The following OPCML variants were observed in gnomAD, a reference collection of about 807,000 sequenced individuals.
OPCML encodes the protein opioid-binding protein/cell adhesion molecule.
OPCML carries 13 observed loss-of-function variants against 37.8 expected under a neutral mutation model. That is an observed-to-expected ratio of 0.34 (90% confidence interval 0.22 to 0.55). OPCML has a LOEUF of 0.55. OPCML is among the 20% of genes least tolerant of loss of function. OPCML has a pLI of 0.91. For synonymous variants in OPCML, 176 were observed against 168.8 expected (o/e 1.04, Z -0.33); for missense variants, 341 against 435.6 (o/e 0.78, Z 1.93).
chr11:132,701,762 TTGTGTGTGTG>T (rs34453558), intron 2 of OPCML, among the ~76,000 whole-genome samples: 5 of 142,718 alleles, frequency 3.5e-5, no homozygotes, highest in Non-Finnish European at 4.6e-5. Context: ...AATTTGATGA[TTGTGTGTGTG>T]TGTGTGTGTG....
chr11:133,221,897 A>AG (rs1305523983), intron 1 of OPCML, among the ~76,000 whole-genome samples: 4 of 152,224 alleles, frequency 2.6e-5, no homozygotes, highest in Non-Finnish European at 5.9e-5. Flanking sequence ...ACCAAGGATC[A>AG]GGAAAAATAA....
intron 1 of OPCML, among the ~76,000 whole-genome samples, chr11:133,266,233 C>G (rs527307341): frequency 6.6e-6 from 1 of 152,218 alleles, no homozygotes; most frequent in East Asian, 1.9e-4. Flanking sequence ...CTCCTTCAAC[C>G]CCACCCTAGC....
intron 1 of OPCML, among the ~76,000 whole-genome samples, chr11:133,516,720 G>A (rs1347155419): frequency 2.6e-5 from 4 of 152,152 alleles, no homozygotes; most frequent in South Asian, 2.1e-4. Flanking sequence ...GGGAGAAGGC[G>A]GAGAACCCTG....
At chr11:132,997,854 G>T (rs1946916021) in intron 1 of OPCML, among the ~76,000 whole-genome samples, 1 of 152,052 alleles carries the variant, frequency 6.6e-6, no homozygotes. Context: ...CTTTTTCCGG[G>T]GTTCTCCTGG....
intron 4 of OPCML, among the ~76,000 whole-genome samples, chr11:132,458,350 T>G (rs1222676542): frequency 6.6e-6 from 1 of 152,190 alleles, no homozygotes; most frequent in African/African-American, 2.4e-5. Flanking sequence ...AACACACCCC[T>G]GACTAGGAGC....
rs141167911 is a variant in OPCML, at chr11:133,159,114, G to A, written c.62-216104C>T. On this transcript the variant is annotated intron_variant, in intron 1 of 7. Transcript: ENST00000524381. Reference sequence around the variant, plus strand: ...CCCAAGCTAATGGAAAGTGAAATAAGGTGGTTTGCTGATCCTGAGTGAGAC... The same window carrying A: ...CCCAAGCTAATGGAAAGTGAAATAAAGTGGTTTGCTGATCCTGAGTGAGAC... 3.9e-3 allele frequency among the ~76,000 whole-genome samples: 595 copies of A among 152,330 alleles called. 3 individuals carry two copies. The highest frequency in any genetic ancestry group is 0.014 in the African/African-American group (566 of 41,562).
chr11:133,499,872 A>G (rs1224940754), intron 1 of OPCML, among the ~76,000 whole-genome samples: 23 of 115,724 alleles, frequency 2.0e-4, no homozygotes, highest in South Asian at 7.6e-4. Context: ...ATATATATAT[A>G]TATTTTTTTT....
At chr11:133,307,501 T>C (rs1565562434) in intron 1 of OPCML, among the ~76,000 whole-genome samples, 1 of 152,292 alleles carries the variant, frequency 6.6e-6, no homozygotes, top group Middle Eastern at 3.4e-3. Context: ...CAAAATTTGT[T>C]TTTCTGCACT....
At chr11:132,985,719 G>C (rs1946672068) in intron 1 of OPCML, among the ~76,000 whole-genome samples, 1 of 152,168 alleles carries the variant, frequency 6.6e-6, no homozygotes, top group Non-Finnish European at 1.5e-5. Context: ...CTCAAAAGGA[G>C]AGGATTATAC....
chr11:133,002,904 C>T (rs1008512636), intron 1 of OPCML, among the ~76,000 whole-genome samples: 2 of 152,058 alleles, frequency 1.3e-5, no homozygotes, highest in Admixed American at 6.5e-5. Flanking sequence ...ACCACTTGAC[C>T]TCATTTGAAC....
intron 1 of OPCML, among the ~76,000 whole-genome samples, chr11:133,074,495 G>T (rs529781809): frequency 8.7e-4 from 132 of 152,178 alleles, no homozygotes; most frequent in Admixed American, 2.7e-3. Context: ...AGAGGGAGAA[G>T]AAAGTATAAA....
At chr11:133,497,115 T>C (rs1409928576) in intron 1 of OPCML, among the ~76,000 whole-genome samples, 2 of 152,198 alleles carry the variant, frequency 1.3e-5, no homozygotes, top group South Asian at 4.1e-4. Flanking sequence ...CATAAAGGGA[T>C]GCTGGATTTT....
At chr11:132,775,974 C>G (rs886464473) in intron 2 of OPCML, among the ~76,000 whole-genome samples, 23 of 152,204 alleles carry the variant, frequency 1.5e-4, no homozygotes, top group African/African-American at 5.1e-4. Context: ...TTCTGTCACC[C>G]AGGCTGGAGT....
chr11:133,473,418 A>C (rs1298632035), intron 1 of OPCML, among the ~76,000 whole-genome samples: 2 of 152,204 alleles, frequency 1.3e-5, no homozygotes, highest in African/African-American at 4.8e-5. Context: ...AGGTTTGCTG[A>C]CTTTAAAGTT....
chr11:133,072,010 C>T (rs1014104961), intron 1 of OPCML, among the ~76,000 whole-genome samples: 40 of 152,164 alleles, frequency 2.6e-4, no homozygotes, highest in Admixed American at 9.8e-4. Flanking sequence ...CCCCGTACCA[C>T]CAATTGCTCC....
At chr11:132,889,025 T>TA (rs1251612145) in intron 2 of OPCML, among the ~76,000 whole-genome samples, 2 of 152,170 alleles carry the variant, frequency 1.3e-5, no homozygotes, top group Non-Finnish European at 2.9e-5. Context: ...TGGCAGATGA[T>TA]TTTTCAGGAC....
rs572345849 is a variant in OPCML at position 133,032,505 on chromosome 11, G to C, written c.62-89495C>G. On this transcript the variant is annotated intron_variant, in intron 1 of 7. Transcript: ENST00000524381. The stretch of plus-strand genomic sequence containing the variant: ...TATTGGTTTTGGTTGTAAAAGTTTG[G>C]GAACATCATTTGGACATTGATGCCT... Among the ~76,000 whole-genome samples the C allele has an allele frequency of 5.3e-5, 8 of 152,254 alleles. No homozygotes were observed. The South Asian group carries it at 1.7e-3, about 32-fold the overall frequency.
chr11:133,207,148 A>G lies in OPCML; in HGVS notation c.62-264138T>C, dbSNP rs1939106159. On this transcript the variant is annotated intron_variant, in intron 1 of 7. Transcript: ENST00000524381. ...AAAAAAAAAAAAAAAAAAATACAAA[A>G]AATTAACCAGGTGTGGTGGCGGGCA... 2.0e-5 allele frequency among the ~76,000 whole-genome samples: 3 copies of G among 151,488 alleles called. No homozygotes were observed. In the South Asian group the frequency reaches 6.3e-4, roughly 32 times the overall value.
chr11:133,173,739 A>G lies in OPCML; in HGVS notation c.62-230729T>C, dbSNP rs1297533284. Among the ~76,000 whole-genome samples the G allele has an allele frequency of 6.6e-6, 1 of 152,256 alleles. No individual in the cohort carries two copies. Among genetic ancestry groups the G allele is most frequent in the Non-Finnish European group, 1.5e-5 (1 of 68,050 alleles). On this transcript the variant is annotated intron_variant, in intron 1 of 7. Coordinates refer to ENST00000524381, the MANE Select transcript of OPCML (RefSeq NM_001012393.5). This position sits in a 1 kb window ranked among gnomAD's most constrained non-coding sequence, Gnocchi z 7.8. ...TCCTGTGGCAGTTTAAGAATCTCTA[A>G]GAATGCATAAGTAAAGAAAAAATAG...
Sources: allele counts gnomAD v4.1 joint callset (sites outside exome capture counted in the v4.1 genomes callset), GRCh38; gene constraint gnomAD v4.1.1; non-coding constraint Gnocchi (gnomAD v3.1); transcripts MANE v1.5; gene names NCBI Gene and HGNC (gene_info 2026-07-23, HGNC 2026-07-21).